NAALADL2: variants seen among roughly 807,000 people sequenced by gnomAD.
NAALADL2 encodes the protein N-acetylated alpha-linked acidic dipeptidase like 2.
NAALADL2 carries 76 observed loss-of-function variants against 87.2 expected under a neutral mutation model. The ratio of observed to expected loss-of-function variants is 0.87; its 90% CI spans 0.72 to 1.05. NAALADL2 has a LOEUF of 1.05. NAALADL2 is among the 50% of genes least tolerant of loss of function. NAALADL2 has a pLI of 0.00. For synonymous variants in NAALADL2, 354 were observed against 331.0 expected (o/e 1.07, Z -0.75); for missense variants, 1,089 against 945.8 (o/e 1.15, Z -1.99).
At chr3:175,627,700 A>C (rs531303535) in intron 11 of NAALADL2, among the ~76,000 whole-genome samples, 1 of 151,816 alleles carries the variant, frequency 6.6e-6, no homozygotes, top group East Asian at 1.9e-4. Flanking sequence ...GGGAGTAATA[A>C]TAGTTTCTGC....
At chr3:174,570,124 C>T (rs149046463) in intron 2 of NAALADL2, among the ~76,000 whole-genome samples, 209 of 152,218 alleles carry the variant, frequency 1.4e-3, no homozygotes, top group South Asian at 6.2e-3. Flanking sequence ...TTCCAGGGAT[C>T]ATAGTGTTGC....
chr3:174,677,123 G>A (rs141584573), intron 2 of NAALADL2, among the ~76,000 whole-genome samples: 1 of 151,878 alleles, frequency 6.6e-6, no homozygotes, highest in Admixed American at 6.6e-5. Flanking sequence ...TCTATCTGCC[G>A]CCTTTTGGCT....
chr3:174,678,239 G>T (rs922947458), intron 2 of NAALADL2, among the ~76,000 whole-genome samples: 5 of 152,234 alleles, frequency 3.3e-5, no homozygotes, highest in African/African-American at 1.2e-4. Flanking sequence ...TTTAGGTCTG[G>T]AGTTGGGCCT....
At chr3:175,057,156 A>C (rs1222774516) in intron 1 of NAALADL2, among the ~76,000 whole-genome samples, 3 of 152,216 alleles carry the variant, frequency 2.0e-5, no homozygotes, top group Non-Finnish European at 4.4e-5. Flanking sequence ...CTGAATTAAG[A>C]GGGAGCTCTC....
chr3:174,865,801 A>G (rs1054727851), intron 1 of NAALADL2, among the ~76,000 whole-genome samples: 10 of 151,976 alleles, frequency 6.6e-5, no homozygotes, highest in Non-Finnish European at 4.4e-5. Context: ...CCAGAAGGAA[A>G]AAAGCCTTCA....
intron 5 of NAALADL2, among the ~76,000 whole-genome samples, chr3:175,342,591 G>A (rs1762679619): frequency 6.6e-6 from 1 of 151,780 alleles, no homozygotes; most frequent in Admixed American, 6.6e-5. Flanking sequence ...AGTCTCCGGA[G>A]GTGCTCTGGA....
intron 1 of NAALADL2, among the ~76,000 whole-genome samples, chr3:174,456,344 A>G (rs909574591): frequency 6.6e-6 from 1 of 151,062 alleles, no homozygotes; most frequent in Non-Finnish European, 1.5e-5. Context: ...TTCTTCACAC[A>G]ACTAGAAAAC....
At chr3:175,380,618 CCATG>C (rs2148983346) in intron 5 of NAALADL2, among the ~76,000 whole-genome samples, 1 of 152,168 alleles carries the variant, frequency 6.6e-6, no homozygotes, top group South Asian at 2.1e-4. Flanking sequence ...TAAGCCCATA[CCATG>C]CTGTATTTTA....
intron 1 of NAALADL2, among the ~76,000 whole-genome samples, chr3:175,011,835 A>G (rs1207042247): frequency 6.6e-6 from 1 of 151,900 alleles, no homozygotes. Flanking sequence ...ATATCCTAAG[A>G]CTCTTCTGTG....
chr3:174,975,638 T>C (rs571193923), intron 1 of NAALADL2, among the ~76,000 whole-genome samples: 1 of 152,222 alleles, frequency 6.6e-6, no homozygotes, highest in East Asian at 1.9e-4. Context: ...GTATAACAAA[T>C]GGTGATGGGC....
chr3:175,340,606 T>C (rs1762470231), intron 5 of NAALADL2, among the ~76,000 whole-genome samples: 1 of 152,162 alleles, frequency 6.6e-6, no homozygotes, highest in Non-Finnish European at 1.5e-5. Flanking sequence ...AGTAGCTTTG[T>C]GGCAGCATGG....
chr3:174,477,533 G>A (rs1372726462), intron 1 of NAALADL2, among the ~76,000 whole-genome samples: 1 of 152,100 alleles, frequency 6.6e-6, no homozygotes, highest in African/African-American at 2.4e-5. Context: ...TGAAAGTAAG[G>A]GGCAGTGATT....
chr3:175,793,841 G>C (rs1207001846), intron 13 of NAALADL2, among the ~76,000 whole-genome samples: 2 of 151,990 alleles, frequency 1.3e-5, no homozygotes, highest in African/African-American at 4.8e-5. Context: ...ACTCATATTA[G>C]ATGTTTAATA....
chr3:175,384,084 G>A (rs1768089252), intron 5 of NAALADL2, among the ~76,000 whole-genome samples: 1 of 151,974 alleles, frequency 6.6e-6, no homozygotes, highest in African/African-American at 2.4e-5. Flanking sequence ...TGTAATAGCT[G>A]AGTAATGTTG....
In NAALADL2 at chr3:175,755,329, A is replaced by C; in HGVS notation, c.2100A>C (p.Arg700Ser). The C allele has an allele frequency of 6.2e-7, 1 of 1,613,562 alleles. No homozygotes were observed. The highest frequency in any genetic ancestry group is 2.2e-5 in the East Asian group (1 of 44,856). The change falls in exon 13 of 14, where the codon AGA becomes AGC. Residue 700 changes from arginine (R) to serine (S), a missense_variant. Coordinates refer to ENST00000454872, the MANE Select transcript of NAALADL2 (RefSeq NM_207015.3). ...GACCTGCTAATGATCCCAAGGAGAGAGCACCCATCCGCATCCGGATGCTGA... is the reference window on the plus strand; with the variant it reads ...GACCTGCTAATGATCCCAAGGAGAGCGCACCCATCCGCATCCGGATGCTGA... ...EMRPANDPKERAPIRIRMLND... is the reference protein window; with the variant it reads ...EMRPANDPKESAPIRIRMLND...
At chr3:174,676,927 A>T (rs765451916) in intron 2 of NAALADL2, among the ~76,000 whole-genome samples, 10 of 151,988 alleles carry the variant, frequency 6.6e-5, no homozygotes, top group South Asian at 4.1e-4. Flanking sequence ...GTTACTTTTT[A>T]AAAAACCCTG....
chr3:175,501,733 T>G (rs1481200357), intron 9 of NAALADL2, among the ~76,000 whole-genome samples: 1 of 152,084 alleles, frequency 6.6e-6, no homozygotes, highest in Non-Finnish European at 1.5e-5. Flanking sequence ...GTTTGAACAC[T>G]TGGATAGAAA....
At chr3:175,754,461 C>T (rs1224728299) in intron 12 of NAALADL2, among the ~76,000 whole-genome samples, 1 of 152,138 alleles carries the variant, frequency 6.6e-6, no homozygotes, top group Non-Finnish European at 1.5e-5. Context: ...AAGACAAACA[C>T]AAACCTCCAA....
chr3:175,489,890 A>G (rs1727807732), intron 9 of NAALADL2, among the ~76,000 whole-genome samples: 1 of 152,174 alleles, frequency 6.6e-6, no homozygotes, highest in African/African-American at 2.4e-5. Context: ...TTAGTATATG[A>G]CAATCGACAT....
Sources: gnomAD v4.1 joint callset for allele counts (sites outside exome capture counted in the v4.1 genomes callset) on GRCh38, gnomAD v4.1.1 for gene constraint, MANE v1.5 for transcripts, NCBI Gene and HGNC (gene_info 2026-07-23, HGNC 2026-07-21) for gene names.